Variants in TAFA4 observed in about 807,000 individuals in gnomAD.
TAFA4 encodes the protein TAFA chemokine like family member 4, also known as chemokine-like protein TAFA-4.
Under a neutral mutation model 21.1 loss-of-function variants are expected in TAFA4, and 20 were observed. The observed-to-expected ratio is 0.95, with a 90% CI of 0.67 to 1.38. The LOEUF is 1.38. Ranked by LOEUF, TAFA4 falls within the 40% of genes most tolerant of loss-of-function variation. The probability of loss-of-function intolerance (pLI) is 0.00; values close to 1 mark genes in which losing one functional copy is unlikely to be tolerated. For synonymous variants in TAFA4, 71 were observed against 67.4 expected (o/e 1.05, Z -0.26); for missense variants, 211 against 180.9 (o/e 1.17, Z -0.95).
In TAFA4 at chr3:68,880,746, G is replaced by A; in HGVS notation, c.114C>T (p.His38=). ...AGGGCTTACCTGCATGTCCCCGGAGGTGCTGGCTTGAGGCGGACATCAGCT... is the reference window on the plus strand; with the variant it reads ...AGGGCTTACCTGCATGTCCCCGGAGATGCTGGCTTGAGGCGGACATCAGCT... The part of the protein sequence containing the change: ...CCKLMSASSQ[H]LRGHAGHHQI... The change falls in exon 3 of 6, where the codon CAC becomes CAT. Residue 38 remains histidine, a synonymous_variant. Transcript: ENST00000295569. 2 of 1,613,970 alleles carry A rather than the reference G, an allele frequency of 1.2e-6. No individual in the cohort carries two copies. Among genetic ancestry groups the A allele is most frequent in the Non-Finnish European group, 1.7e-6 (2 of 1,179,952 alleles).
At chr3:68,879,747 T>C (rs1192802172) in intron 3 of TAFA4, among the ~76,000 whole-genome samples, 1 of 152,172 alleles carries the variant, frequency 6.6e-6, no homozygotes, top group Non-Finnish European at 1.5e-5. Context: ...AATATCAGAA[T>C]AACGAAGTGG....
At chr3:68,929,896 A>G (rs1469883221) in intron 1 of TAFA4, among the ~76,000 whole-genome samples, 1 of 152,234 alleles carries the variant, frequency 6.6e-6, no homozygotes, top group Non-Finnish European at 1.5e-5. Context: ...ATATGATAAT[A>G]TGACTTTTGT....
intron 3 of TAFA4, among the ~76,000 whole-genome samples, chr3:68,846,984 G>A (rs1475046231): frequency 6.6e-6 from 1 of 152,166 alleles, no homozygotes; most frequent in East Asian, 1.9e-4. Flanking sequence ...CCAGTCAGGA[G>A]GCATGGGGGT....
At chr3:68,831,652 TTA>T (rs1450952532) in intron 3 of TAFA4, among the ~76,000 whole-genome samples, 5 of 152,158 alleles carry the variant, frequency 3.3e-5, no homozygotes, top group Admixed American at 2.6e-4. Context: ...AATCTGGCAA[TTA>T]TATGTCTTGG....
chr3:68,904,386 C>G (rs762061772), intron 1 of TAFA4, among the ~76,000 whole-genome samples: 1 of 152,110 alleles, frequency 6.6e-6, no homozygotes, highest in Non-Finnish European at 1.5e-5. Flanking sequence ...AAGGAGATGA[C>G]GTTTCTAAGA....
chr3:68,884,385 A>T (rs1412306689), intron 2 of TAFA4, among the ~76,000 whole-genome samples: 1 of 152,160 alleles, frequency 6.6e-6, no homozygotes, highest in Non-Finnish European at 1.5e-5. Context: ...TCTCTCCACC[A>T]TGGCTCCAGT....
intron 3 of TAFA4, among the ~76,000 whole-genome samples, chr3:68,762,579 T>C (rs1351685984): frequency 1.3e-5 from 2 of 152,308 alleles, no homozygotes; most frequent in African/African-American, 4.8e-5. Flanking sequence ...GTTTTTGCTA[T>C]GCACTTCTTA....
At chr3:68,863,724 T>G (rs1019706853) in intron 3 of TAFA4, among the ~76,000 whole-genome samples, 1 of 152,298 alleles carries the variant, frequency 6.6e-6, no homozygotes, top group East Asian at 1.9e-4. Context: ...TATTCTTATC[T>G]GAAAAGCTCT....
rs565931614 is a variant in TAFA4, at chr3:68,862,116, G to A, written c.130+18614C>T. ...TGACCACCACACGCTTTCCCTGTGG[G>A]GAAATAGTTTTCTGATGATGCCACT... is the stretch of plus-strand genomic sequence containing the variant. On this transcript the variant is annotated intron_variant, in intron 3 of 5. Coordinates refer to ENST00000295569, the MANE Select transcript of TAFA4 (RefSeq NM_182522.5). Among the ~76,000 whole-genome samples the A allele has an allele frequency of 3.3e-5, 5 of 151,930 alleles. No individual in the cohort carries two copies. In the South Asian group the frequency reaches 1.0e-3, roughly 32 times the overall value.
chr3:68,842,796 A>G lies in TAFA4; in HGVS notation c.130+37934T>C, dbSNP rs547990371. On this transcript the variant is annotated intron_variant, in intron 3 of 5. Transcript: ENST00000295569. ...GTTCTCCCAACACCATTTATTAAAT[A>G]GGGAATCCTTTCCCCACTGCTTATT... is the stretch of plus-strand genomic sequence containing the variant. 9.6e-4 allele frequency among the ~76,000 whole-genome samples: 147 copies of G among 152,334 alleles called. 1 individual carries two copies. The highest frequency in any genetic ancestry group is 2.8e-3 in the African/African-American group (117 of 41,576).
intron 5 of TAFA4, among the ~76,000 whole-genome samples, chr3:68,735,446 T>C (rs1449826306): frequency 6.6e-6 from 1 of 152,142 alleles, no homozygotes; most frequent in Admixed American, 6.6e-5. Flanking sequence ...TCCCTCATAC[T>C]GCCTGTTGAT....
intron 1 of TAFA4, among the ~76,000 whole-genome samples, chr3:68,907,986 C>A (rs1415503522): frequency 6.6e-6 from 1 of 152,182 alleles, no homozygotes; most frequent in African/African-American, 2.4e-5. Context: ...ATAATTCATA[C>A]CAGTCAATGC....
chr3:68,777,542 A>G (rs1703070921), intron 3 of TAFA4, among the ~76,000 whole-genome samples: 1 of 152,150 alleles, frequency 6.6e-6, no homozygotes, highest in Non-Finnish European at 1.5e-5. Context: ...CTTATTGGAT[A>G]GTAAAGCCCA....
intron 1 of TAFA4, among the ~76,000 whole-genome samples, chr3:68,910,658 C>T (rs555433742): frequency 2.0e-5 from 3 of 152,340 alleles, no homozygotes; most frequent in East Asian, 1.9e-4. Context: ...GACTTCTGCA[C>T]GTAGACATTC....
chr3:68,864,012 A>G (rs1169085485), intron 3 of TAFA4, among the ~76,000 whole-genome samples: 1 of 152,158 alleles, frequency 6.6e-6, no homozygotes, highest in East Asian at 1.9e-4. Flanking sequence ...TCTCAAAGAA[A>G]ACAGAAAACA....
intron 1 of TAFA4, among the ~76,000 whole-genome samples, chr3:68,897,981 T>G (rs962736491): frequency 1.3e-5 from 2 of 152,026 alleles, no homozygotes; most frequent in African/African-American, 4.8e-5. Flanking sequence ...GACAGCAAGG[T>G]TGCAAGGGGA....
rs559795873 is a variant in TAFA4, at chr3:68,900,003, G to A, written c.-122-14693C>T. Among the ~76,000 whole-genome samples the A allele has an allele frequency of 5.3e-5, 8 of 151,326 alleles. No homozygotes were observed. In the East Asian group the frequency reaches 1.6e-3, roughly 29 times the overall value. The stretch of plus-strand genomic sequence containing the variant: ...ACCTGTAATCCCAGCACTTTTAGAG[G>A]CTGAGGCAGGGGACTGCCTGAGCTC... On this transcript the variant is annotated intron_variant, in intron 1 of 5. Coordinates refer to ENST00000295569, the MANE Select transcript of TAFA4 (RefSeq NM_182522.5).
intron 3 of TAFA4, among the ~76,000 whole-genome samples, chr3:68,864,401 CCA>C (rs2089390302): frequency 6.6e-6 from 1 of 152,054 alleles, no homozygotes; most frequent in South Asian, 2.1e-4. Flanking sequence ...TATGATATCA[CCA>C]CACACCTATT....
intron 3 of TAFA4, among the ~76,000 whole-genome samples, chr3:68,838,587 C>T (rs776238319): frequency 6.6e-6 from 1 of 152,154 alleles, no homozygotes; most frequent in Non-Finnish European, 1.5e-5. Flanking sequence ...AAGGGCCAGA[C>T]AGTAAATATT....
Sources: gnomAD v4.1 joint callset for allele counts (sites outside exome capture counted in the v4.1 genomes callset) on GRCh38, gnomAD v4.1.1 for gene constraint, MANE v1.5 for transcripts, NCBI Gene and HGNC (gene_info 2026-07-23, HGNC 2026-07-21) for gene names.